Variants in TRPM3 observed in about 807,000 individuals in gnomAD.
TRPM3 encodes transient receptor potential cation channel subfamily M member 3, also known as long transient receptor potential channel 3.
TRPM3 carries 77 observed loss-of-function variants against 181.2 expected under a neutral mutation model. The observed-to-expected ratio is 0.42, with a 90% confidence interval of 0.35 to 0.51. The LOEUF is 0.51. TRPM3 is among the 20% of genes least tolerant of loss of function. The pLI is 0.01. For missense variants in TRPM3, 1,759 were observed against 2,196.7 expected, an observed-to-expected ratio of 0.80 and a Z score of 3.98; for synonymous variants, 745 against 796.4, an observed-to-expected ratio of 0.94 and a Z score of 1.09.
chr9:70,790,599 A>T (rs2085134286), intron 6 of TRPM3, among the ~76,000 whole-genome samples: 1 of 152,308 alleles, frequency 6.6e-6, no homozygotes, highest in South Asian at 2.1e-4. Context: ...ACAAATTAAT[A>T]CCTACTTGAG....
At chr9:70,689,620 T>A (rs1338081604) in intron 8 of TRPM3, among the ~76,000 whole-genome samples, 2 of 152,070 alleles carry the variant, frequency 1.3e-5, no homozygotes, top group East Asian at 1.9e-4. Context: ...AATAAGAGAA[T>A]GATAGGCTAT....
At chr9:71,167,893 G>C (rs937801860) in intron 1 of TRPM3, among the ~76,000 whole-genome samples, 1 of 152,080 alleles carries the variant, frequency 6.6e-6, no homozygotes. Flanking sequence ...GTAGAATAAA[G>C]AAAACTGTAA....
At chr9:70,972,604 G>A (rs7857794) in intron 1 of TRPM3, among the ~76,000 whole-genome samples, 43,930 of 151,882 alleles carry the variant, frequency 0.29, 6,381 homozygotes, top group East Asian at 0.37. Flanking sequence ...ATACACCCTA[G>A]AAACTTTATG....
chr9:71,278,315 GA>G (rs1234201819), intron 1 of TRPM3, among the ~76,000 whole-genome samples: 1 of 152,204 alleles, frequency 6.6e-6, no homozygotes, highest in Non-Finnish European at 1.5e-5. Context: ...AAGAAGCACA[GA>G]ACATTAGCAC....
intron 14 of TRPM3, among the ~76,000 whole-genome samples, chr9:70,623,208 A>G (rs2063897086): frequency 6.6e-6 from 1 of 152,246 alleles, no homozygotes; most frequent in South Asian, 2.1e-4. Context: ...CTACTAAAAA[A>G]TACAAAAAAT....
intron 1 of TRPM3, among the ~76,000 whole-genome samples, chr9:71,400,753 C>A (rs1291609394): frequency 2.0e-5 from 3 of 148,932 alleles, no homozygotes; most frequent in Non-Finnish European, 4.5e-5. Flanking sequence ...CGGTTTGGTT[C>A]TATTTTTAAG....
intron 1 of TRPM3, among the ~76,000 whole-genome samples, chr9:71,078,539 C>A (rs1428229960): frequency 6.6e-6 from 1 of 151,898 alleles, no homozygotes; most frequent in Non-Finnish European, 1.5e-5. Context: ...GCCTGTATTA[C>A]TTCTTCAATT....
intron 1 of TRPM3, among the ~76,000 whole-genome samples, chr9:71,368,191 C>A (rs1045236802): frequency 1.2e-4 from 19 of 152,062 alleles, no homozygotes; most frequent in African/African-American, 4.3e-4. Flanking sequence ...TGATGAGACT[C>A]CCAATGCTAC....
intron 1 of TRPM3, among the ~76,000 whole-genome samples, chr9:71,204,283 G>A (rs1007471073): frequency 6.6e-6 from 1 of 150,800 alleles, no homozygotes; most frequent in African/African-American, 2.4e-5. Context: ...GCAACCTACA[G>A]AATGGGAGAA....
At chr9:71,322,100 C>T (rs2089276147) in intron 1 of TRPM3, among the ~76,000 whole-genome samples, 1 of 152,068 alleles carries the variant, frequency 6.6e-6, no homozygotes, top group Non-Finnish European at 1.5e-5. Context: ...AAGCTTTTAT[C>T]AACATTTTTG....
intron 1 of TRPM3, among the ~76,000 whole-genome samples, chr9:71,427,418 AT>A (rs1184255393): frequency 6.6e-6 from 1 of 152,168 alleles, no homozygotes; most frequent in African/African-American, 2.4e-5. Flanking sequence ...CCTCCAGGTG[AT>A]TCTGATATAT....
At chr9:70,964,592 C>G (rs7019245) in intron 1 of TRPM3, among the ~76,000 whole-genome samples, 4,855 of 152,128 alleles carry the variant, frequency 0.032, 270 homozygotes, top group African/African-American at 0.11. Flanking sequence ...GAGGAACTCA[C>G]AGAGAAATTT....
chr9:70,572,627 T>G (rs1588625793), intron 22 of TRPM3, among the ~76,000 whole-genome samples: 2 of 152,234 alleles, frequency 1.3e-5, no homozygotes, highest in East Asian at 3.8e-4. Context: ...TGAGTTTGTC[T>G]GATTTTTTTT....
chr9:71,077,561 G>GA (rs1419240754), intron 1 of TRPM3, among the ~76,000 whole-genome samples: 1 of 152,174 alleles, frequency 6.6e-6, no homozygotes, highest in Non-Finnish European at 1.5e-5. Context: ...CTATAGGCTA[G>GA]AACTGCAAGA....
intron 1 of TRPM3, among the ~76,000 whole-genome samples, chr9:71,174,863 A>C (rs2077030773): frequency 6.6e-6 from 1 of 152,120 alleles, no homozygotes; most frequent in African/African-American, 2.4e-5. Context: ...GTTCTGAGAG[A>C]GGACAGCGCA....
At chr9:71,253,598 T>A (rs1008224979) in intron 1 of TRPM3, among the ~76,000 whole-genome samples, 2 of 152,152 alleles carry the variant, frequency 1.3e-5, no homozygotes, top group Non-Finnish European at 2.9e-5. Flanking sequence ...AAATTTATCC[T>A]CCTAGAAACT....
intron 6 of TRPM3, among the ~76,000 whole-genome samples, chr9:70,823,694 C>CG (rs1379236167): frequency 1.3e-5 from 2 of 152,098 alleles, no homozygotes; most frequent in South Asian, 2.1e-4. Context: ...TGGTTGCCCC[C>CG]CTTGATGTAA....
chr9:70,605,968 GC>G lies in TRPM3; in HGVS notation c.2668-2499del, dbSNP rs138629106. ...AGTAACTCCTTAAACCTATTTTAAT[GC>G]TTAAGTAACTCCTTGAACCTACATC... On this transcript the variant is annotated intron_variant, in intron 19 of 25. Coordinates refer to ENST00000677713, the MANE Select transcript of TRPM3 (RefSeq NM_001366145.2). Among the ~76,000 whole-genome samples the G allele has an allele frequency of 8.7e-3, 1,321 of 152,246 alleles. 26 individuals carry two copies. The highest frequency in any genetic ancestry group is 0.03 in the African/African-American group (1,243 of 41,516).
chr9:71,413,346 A>T (rs1022742945), intron 1 of TRPM3, among the ~76,000 whole-genome samples: 1 of 152,092 alleles, frequency 6.6e-6, no homozygotes, highest in African/African-American at 2.4e-5. Context: ...TTACCTTCAA[A>T]ATTATAATAT....
Sources: gnomAD v4.1 joint callset for allele counts (sites outside exome capture counted in the v4.1 genomes callset) on GRCh38, gnomAD v4.1.1 for gene constraint, MANE v1.5 for transcripts, NCBI Gene and HGNC (gene_info 2026-07-23, HGNC 2026-07-21) for gene names.